TYRO3: variants seen among roughly 807,000 people sequenced by gnomAD.
TYRO3 encodes tyrosine-protein kinase receptor TYRO3.
TYRO3 carries 38 observed loss-of-function variants against 95.2 expected under a neutral mutation model. That is an observed-to-expected ratio of 0.40 (90% CI 0.31 to 0.52). The LOEUF (loss-of-function observed/expected upper bound fraction) is 0.52. Ranked by LOEUF, TYRO3 falls within the 20% of genes least tolerant of loss-of-function variation. The probability of loss-of-function intolerance (pLI) is 0.56; values close to 1 mark genes in which losing one functional copy is unlikely to be tolerated. For synonymous variants in TYRO3, 367 were observed against 432.9 expected, an observed-to-expected ratio of 0.85 and a Z score of 1.89; for missense variants, 812 against 1,116.4, an observed-to-expected ratio of 0.73 and a Z score of 3.89.
At chr15:41,570,913 C>G in intron 12 of TYRO3, 125 bp from the exon 13 acceptor site, 1 of 1,110,956 alleles carries the variant, frequency 9.0e-7, no homozygotes, top group Non-Finnish European at 1.3e-6. Context: ...TGGCTACTGG[C>G]AAGGGTGCCT....
At chr15:41,575,540 C>A (rs1217211729) in intron 18 of TYRO3, among the ~76,000 whole-genome samples, 2 of 152,198 alleles carry the variant, frequency 1.3e-5, no homozygotes, top group Non-Finnish European at 1.5e-5. Context: ...TACCCACGGC[C>A]CCAGACCATT....
chr15:41,570,805 C>G, intron 12 of TYRO3, 106 bp downstream of exon 12: 1 of 1,137,238 alleles, frequency 8.8e-7, no homozygotes, highest in Non-Finnish European at 1.3e-6. Flanking sequence ...TTGCCGTAAA[C>G]AAGATATGCT....
chr15:41,574,720 T>C (rs570076445), intron 18 of TYRO3: 33 of 454,990 alleles, frequency 7.3e-5, no homozygotes, highest in African/African-American at 6.2e-4. Flanking sequence ...TTTGTGAGTA[T>C]TTTTTGTTTT....
intron 2 of TYRO3, 41 bp from the exon 3 acceptor site, chr15:41,561,498 C>T: frequency 1.5e-6 from 2 of 1,356,270 alleles, no homozygotes; most frequent in Non-Finnish European, 2.0e-6. Flanking sequence ...AGAGCTGCCG[C>T]CCTTGCCCTC....
At position 41,571,109 on chromosome 15, in the gene TYRO3, A is replaced by T. The variant is rs778097398; in HGVS notation, c.1651A>T (p.Met551Leu). 4 of 1,614,068 alleles carry T rather than the reference A, an allele frequency of 2.5e-6. No homozygotes were observed. Among genetic ancestry groups the T allele is most frequent in the Non-Finnish European group, 2.5e-6 (3 of 1,179,980 alleles). ...DGSFVKVAVK[M>L]LKADIIASSD... ...CTCCTTTGTGAAAGTGGCTGTGAAG[A>T]TGCTGAAAGGTGAGTGGGGGATAGC... The change falls in exon 13 of 19, where the codon ATG (methionine) becomes TTG (leucine). Residue 551 changes from methionine (M) to leucine (L), a missense_variant. Met to Leu is a conservative substitution (Grantham distance 15). Coordinates refer to ENST00000263798, the MANE Select transcript of TYRO3 (RefSeq NM_006293.4).
rs1402175575 is a variant in TYRO3, at chr15:41,560,391, GTA to G, written c.125-734_125-733del. On this transcript the variant is annotated intron_variant, in intron 1 of 18. Transcript: ENST00000263798. ...TGCCAGGAGGCCAGGAGAGGTGCGT[GTA>G]TGTGTGTGTGTGTGTGTGTGTGTGT... is the stretch of plus-strand genomic sequence containing the variant. Among the ~76,000 whole-genome samples the G allele has an allele frequency of 2.1e-4, 27 of 128,106 alleles. 1 individual carries two copies. The highest frequency in any genetic ancestry group is 7.9e-4 in the African/African-American group (25 of 31,764). 84.0% of individuals were successfully genotyped at this position (128,106 alleles called of 152,430 possible).
intron 18 of TYRO3, among the ~76,000 whole-genome samples, chr15:41,576,104 CAAAAAA>C (rs397853986): frequency 2.4e-4 from 24 of 102,080 alleles, no homozygotes; most frequent in African/African-American, 9.1e-4. Context: ...AACTCCATCT[CAAAAAA>C]AAAAAAAAAA....
chr15:41,561,541 T>A lies in TYRO3; in HGVS notation c.311T>A (p.Leu104Gln). Residue 104 changes from leucine to glutamine, a missense_variant and splice_region_variant, in exon 3 of 19, where the codon CTG (leucine) becomes CAG (glutamine). Physicochemically the swap from Leu to Gln is moderately radical, Grantham distance 113 (BLOSUM62 -2). Coordinates refer to ENST00000263798, the MANE Select transcript of TYRO3 (RefSeq NM_006293.4). ...AGCCTCGTATCCTGTTTCCACAGCC[T>A]GAAGTCAGTGGAGCGCTCTGACGCC... ...SEQHWIGFLS[L>Q]KSVERSDAGR... 1 of 1,581,610 alleles carries A rather than the reference T, an allele frequency of 6.3e-7. No individual in the cohort carries two copies. The highest frequency in any genetic ancestry group is 8.6e-7 in the Non-Finnish European group (1 of 1,165,270).
chr15:41,562,408 C>T (rs1294022598), intron 3 of TYRO3, 140 bp from the exon 4 acceptor site: 2 of 710,814 alleles, frequency 2.8e-6, no homozygotes, highest in Non-Finnish European at 4.4e-6. Context: ...AGCTAGATGC[C>T]TGTTCTGCTG....
chr15:41,568,410 T>C, intron 8 of TYRO3, 48 bp downstream of exon 8: 1 of 1,564,830 alleles, frequency 6.4e-7, no homozygotes, highest in South Asian at 1.2e-5. Flanking sequence ...GTATAAGCCT[T>C]CAGGGTTCTA....
intron 10 of TYRO3, 40 bp from the exon 11 acceptor site, chr15:41,570,200 A>T: frequency 1.0e-6 from 1 of 988,172 alleles, no homozygotes; most frequent in Non-Finnish European, 1.5e-6. Flanking sequence ...TAATGATGAA[A>T]GACCTTGGAG....
chr15:41,568,105 G>T, intron 7 of TYRO3, 112 bp from the exon 8 acceptor site: 1 of 1,435,316 alleles, frequency 7.0e-7, no homozygotes, highest in South Asian at 1.3e-5. Flanking sequence ...CCCTTCCCCA[G>T]TTTGTGCCTC....
Position 41,567,410 on chromosome 15 carries a change from GC to G in TYRO3, c.840del (p.Phe281LeufsTer40). 1.2e-6 allele frequency: 2 copies of G among 1,607,366 alleles called. No homozygotes were observed. The highest frequency in any genetic ancestry group is 1.7e-5 in the Admixed American group (1 of 59,298). Reference sequence around the variant, plus strand: ...AAGTCCTGGCTGTTGTGGTCCCTGTGCCCCCCTTTACCTGCCTGCTCCGGGA... The same window carrying G: ...AAGTCCTGGCTGTTGTGGTCCCTGTGCCCCCTTTACCTGCCTGCTCCGGGA... ...WEVLAVVVPV[P>X]PFTCLLRDLV... is the part of the protein sequence containing the mutation. On this transcript the variant is annotated frameshift_variant, in exon 7 of 19. Coordinates refer to ENST00000263798, the MANE Select transcript of TYRO3 (RefSeq NM_006293.4). LOFTEE classifies it high-confidence loss of function.
At chr15:41,576,692 C>G (rs1394999409) in intron 18 of TYRO3, among the ~76,000 whole-genome samples, 1 of 141,092 alleles carries the variant, frequency 7.1e-6, no homozygotes, top group African/African-American at 2.7e-5. Context: ...GAGAAAGGGC[C>G]TCGCTCTGAC....
Position 41,561,115 on chromosome 15 carries a change from C to T in TYRO3, c.125-12C>T. On this transcript the variant is annotated splice_polypyrimidine_tract_variant and intron_variant, in intron 1 of 18. Coordinates refer to ENST00000263798, the MANE Select transcript of TYRO3 (RefSeq NM_006293.4). ...CTCTCAAGGCTGACACATGTTCCTT[C>T]CCACCCCTCAGGTCTGAAGCTCATG... 6.2e-7 allele frequency: 1 copy of T among 1,613,976 alleles called. No individual in the cohort carries two copies. The highest frequency in any genetic ancestry group is 1.1e-5 in the South Asian group (1 of 91,048).
At position 41,564,282 on chromosome 15, in the gene TYRO3, G is replaced by A. The variant is rs766782057; in HGVS notation, c.667+12G>A. 23 of 1,613,502 alleles carry A rather than the reference G, an allele frequency of 1.4e-5. No individual in the cohort carries two copies. The highest frequency in any genetic ancestry group is 1.9e-5 in the Non-Finnish European group (23 of 1,179,606). On this transcript the variant is annotated intron_variant, in intron 5 of 18. Coordinates refer to ENST00000263798, the MANE Select transcript of TYRO3 (RefSeq NM_006293.4). ...TGTTCACCTTCAAGGTAGGAGGGCT[G>A]GCAGGGAGGAAGGGTGGATGAGGCC...
At chr15:41,571,996 TAAAA>T (rs111436611) in intron 14 of TYRO3, among the ~76,000 whole-genome samples, 1 of 143,488 alleles carries the variant, frequency 7.0e-6, no homozygotes. Flanking sequence ...CACCTCTATT[TAAAA>T]AAAAAAAACA....
Position 41,581,366 on chromosome 15 carries a change from T to C in TYRO3, c.*3090T>C, listed in dbSNP as rs1408266599. ...GGGTGGCTGCTTCTGAAAGCAAATA[T>C]CCTGAAAAACCTGTTGCTGGTACTC... is the stretch of plus-strand genomic sequence containing the variant. On this transcript the variant is annotated 3_prime_UTR_variant, in exon 19 of 19. Coordinates refer to ENST00000263798, the MANE Select transcript of TYRO3 (RefSeq NM_006293.4). The C allele has an allele frequency of 1.3e-5, 2 of 153,260 alleles. No homozygotes were observed. The highest frequency in any genetic ancestry group is 2.9e-5 in the Non-Finnish European group (2 of 68,040). 9.5% of individuals were successfully genotyped at this position (153,260 alleles called of 1,614,324 possible).
At position 41,571,054 on chromosome 15, in the gene TYRO3, G is replaced by C; in HGVS notation, c.1596G>C (p.Val532=). The change falls in exon 13 of 19, where the codon GTG becomes GTC. Residue 532 remains valine (V), a synonymous_variant. Coordinates refer to ENST00000263798, the MANE Select transcript of TYRO3 (RefSeq NM_006293.4). ...GGTTCCTAGGAGAGTTTGGTTCAGT[G>C]CGGGAGGCCCAGCTGAAGCAAGAGG... The part of the protein sequence containing the change: ...RMLGKGEFGS[V]REAQLKQEDG... 1 of 1,614,108 alleles carries C rather than the reference G, an allele frequency of 6.2e-7. No individual in the cohort carries two copies. Among genetic ancestry groups the C allele is most frequent in the South Asian group, 1.1e-5 (1 of 91,066 alleles).
Sources: gnomAD v4.1 joint callset for allele counts (sites outside exome capture counted in the v4.1 genomes callset) on GRCh38, gnomAD v4.1.1 for gene constraint, MANE v1.5 for transcripts, NCBI Gene and HGNC (gene_info 2026-07-23, HGNC 2026-07-21) for gene names.